The following RPN1 variants were observed in gnomAD, a reference collection of about 807,000 sequenced individuals.
RPN1 encodes the protein ribophorin I.
In RPN1, 12 loss-of-function variants were observed where a neutral mutation model predicts 55.5. The ratio of observed to expected loss-of-function variants is 0.22; its 90% confidence interval spans 0.14 to 0.35. RPN1 has a LOEUF of 0.35. RPN1 is among the 10% of genes least tolerant of loss of function. The pLI, the probability that RPN1 is intolerant of heterozygous loss-of-function variation, is 1.00. For missense variants in RPN1, 679 were observed against 761.3 expected (o/e 0.89, Z 1.27); for synonymous variants, 317 against 305.9 (o/e 1.04, Z -0.38).
chr3:128,641,544 A>G (rs566514335), intron 2 of RPN1, among the ~76,000 whole-genome samples: 2 of 151,790 alleles, frequency 1.3e-5, no homozygotes, highest in Non-Finnish European at 1.5e-5. Flanking sequence ...TTTGTGATTA[A>G]TTCAAAATTT....
chr3:128,625,399 C>A, intron 8 of RPN1, 135 bp downstream of exon 8: 1 of 1,369,438 alleles, frequency 7.3e-7, no homozygotes, highest in Non-Finnish European at 1.0e-6. Flanking sequence ...AGTACCCTTC[C>A]GGCAAGGATG....
intron 4 of RPN1, among the ~76,000 whole-genome samples, chr3:128,631,345 G>T (rs1367025227): frequency 6.6e-6 from 1 of 151,660 alleles, no homozygotes; most frequent in Non-Finnish European, 1.5e-5. Context: ...AGGCTTGGTG[G>T]TGCATGCCTG....
At chr3:128,623,975 T>C (rs903218639) in intron 8 of RPN1, among the ~76,000 whole-genome samples, 1 of 151,842 alleles carries the variant, frequency 6.6e-6, no homozygotes, top group Non-Finnish European at 1.5e-5. Flanking sequence ...CCTCCAATGA[T>C]TCAGCAGAAA....
intron 8 of RPN1, among the ~76,000 whole-genome samples, chr3:128,623,169 C>G (rs2107712968): frequency 6.6e-6 from 1 of 152,236 alleles, no homozygotes; most frequent in South Asian, 2.1e-4. Flanking sequence ...CTTTGGGCAG[C>G]TGAGGCAGGA....
chr3:128,628,879 G>C (rs2069621776), intron 5 of RPN1, among the ~76,000 whole-genome samples: 1 of 152,110 alleles, frequency 6.6e-6, no homozygotes, highest in African/African-American at 2.4e-5. Context: ...CTACTCGGGA[G>C]GCTGAGGCAA....
In RPN1 at chr3:128,626,828, G is replaced by A. The variant is rs2069602942; in HGVS notation, c.1041C>T (p.Asp347=). Residue 347 remains aspartate, a synonymous_variant, in exon 6 of 10, where the codon GAC becomes GAT. Transcript: ENST00000296255. ...PSYEYLYNLG[D]QYALKMRFVD... ...CAAACCTCATCTTCAGTGCATACTGGTCACCTGAAGGATCAAGCAAGCATA... is the reference window on the plus strand; with the variant it reads ...CAAACCTCATCTTCAGTGCATACTGATCACCTGAAGGATCAAGCAAGCATA... 6.2e-7 allele frequency: 1 copy of A among 1,613,574 alleles called. No individual in the cohort carries two copies. Among genetic ancestry groups the A allele is most frequent in the South Asian group, 1.1e-5 (1 of 91,078 alleles).
intron 3 of RPN1, 99 bp from the exon 4 acceptor site, chr3:128,632,256 G>T: frequency 9.5e-7 from 1 of 1,048,258 alleles, no homozygotes; most frequent in Non-Finnish European, 1.4e-6. Flanking sequence ...ATCAGCAACA[G>T]AACGGGTAAA....
intron 5 of RPN1, among the ~76,000 whole-genome samples, chr3:128,628,909 G>A (rs534112905): frequency 4.1e-4 from 62 of 152,182 alleles, no homozygotes; most frequent in Middle Eastern, 3.4e-3. Flanking sequence ...TTGAACCTAG[G>A]AGGCAGAGGT....
intron 2 of RPN1, among the ~76,000 whole-genome samples, chr3:128,644,237 T>C (rs2069750118): frequency 6.6e-6 from 1 of 152,232 alleles, no homozygotes; most frequent in Non-Finnish European, 1.5e-5. Flanking sequence ...GTAACTACTT[T>C]CTTCCTATAA....
chr3:128,633,600 G>A (rs2069656468), intron 3 of RPN1, among the ~76,000 whole-genome samples: 1 of 151,996 alleles, frequency 6.6e-6, no homozygotes, highest in African/African-American at 2.4e-5. Context: ...CATAACTTTT[G>A]TATAATATGC....
rs529159014 is a variant in RPN1 at position 128,622,151 on chromosome 3, G to A, written c.1641+13C>T. The stretch of plus-strand genomic sequence containing the variant: ...GCCCCAAGCCAAGCAACTCTGTGAC[G>A]CCCGACACTTACTCTGTCGCACAGA... On this transcript the variant is annotated intron_variant, in intron 9 of 9. Coordinates refer to ENST00000296255, the MANE Select transcript of RPN1 (RefSeq NM_002950.4). The A allele has an allele frequency of 1.2e-5, 20 of 1,612,950 alleles. No individual in the cohort carries two copies. The highest frequency in any genetic ancestry group is 4.5e-5 in the East Asian group (2 of 44,862).
At chr3:128,620,893 G>C (rs2069553764) in intron 9 of RPN1, among the ~76,000 whole-genome samples, 1 of 152,200 alleles carries the variant, frequency 6.6e-6, no homozygotes, top group Non-Finnish European at 1.5e-5. Context: ...CTACTTGGCA[G>C]CACCTATCAT....
chr3:128,621,662 C>G (rs1019568195), intron 9 of RPN1, among the ~76,000 whole-genome samples: 1 of 152,158 alleles, frequency 6.6e-6, no homozygotes, highest in Non-Finnish European at 1.5e-5. Context: ...TGTATCAGGA[C>G]AGGGTTCTGA....
At chr3:128,634,892 G>A (rs1410669229) in intron 3 of RPN1, among the ~76,000 whole-genome samples, 1 of 151,978 alleles carries the variant, frequency 6.6e-6, no homozygotes, top group Non-Finnish European at 1.5e-5. Flanking sequence ...TTAAAATGGA[G>A]GAAAGTGGAA....
chr3:128,626,715 AG>A lies in RPN1; in HGVS notation c.1136+17del. ...ACCAGAGAAATCGGGTGCAAAGGAG[AG>A]GAACAGTCACACTCACTTGGCTCCT... On this transcript the variant is annotated intron_variant, in intron 6 of 9. Coordinates refer to ENST00000296255, the MANE Select transcript of RPN1 (RefSeq NM_002950.4). The A allele has an allele frequency of 6.2e-7, 1 of 1,609,284 alleles. No individual in the cohort carries two copies. Among genetic ancestry groups the A allele is most frequent in the East Asian group, 2.2e-5 (1 of 44,858 alleles).
chr3:128,622,051 CTTA>C, intron 9 of RPN1, 110 bp downstream of exon 9: 2 of 1,068,742 alleles, frequency 1.9e-6, no homozygotes, highest in Non-Finnish European at 2.7e-6. Context: ...CAGATGCAGT[CTTA>C]TCCCACAAGC....
chr3:128,620,449 G>A lies in RPN1; in HGVS notation c.1786C>T (p.Leu596=), dbSNP rs2069550952. 1 of 1,614,008 alleles carries A rather than the reference G, an allele frequency of 6.2e-7. No individual in the cohort carries two copies. The change falls in exon 10 of 10, where the codon CTG becomes TTG. Residue 596 remains leucine, a synonymous_variant. Coordinates refer to ENST00000296255, the MANE Select transcript of RPN1 (RefSeq NM_002950.4). The stretch of plus-strand genomic sequence containing the variant: ...AGGATGTGGTCGATCTTGGTGACCA[G>A]CTCCTGGCGCTTTCCTGAGATGAGC... ...EKLISGKRQE[L]VTKIDHILDA... is the part of the protein sequence containing the mutation.
intron 5 of RPN1, among the ~76,000 whole-genome samples, chr3:128,628,786 T>C (rs1040555117): frequency 1.3e-5 from 2 of 151,408 alleles, no homozygotes; most frequent in African/African-American, 4.9e-5. Flanking sequence ...GTTCAAAACC[T>C]GCCTGACCAA....
intron 3 of RPN1, among the ~76,000 whole-genome samples, chr3:128,636,432 G>A (rs922023780): frequency 6.6e-5 from 10 of 151,236 alleles, no homozygotes; most frequent in Admixed American, 2.0e-4. Context: ...CTGCACTCCA[G>A]TCTGAATGAC....
Sources: gnomAD v4.1 joint callset for allele counts (sites outside exome capture counted in the v4.1 genomes callset) on GRCh38, gnomAD v4.1.1 for gene constraint, MANE v1.5 for transcripts, NCBI Gene and HGNC (gene_info 2026-07-23, HGNC 2026-07-21) for gene names.